Variants in ARID2 observed in about 807,000 individuals in gnomAD.
ARID2 encodes the protein AT-rich interaction domain 2, also known as AT-rich interactive domain-containing protein 2.
Under a neutral mutation model 184.6 loss-of-function variants are expected in ARID2, and 32 were observed. The ratio of observed to expected loss-of-function variants is 0.17; its 90% CI spans 0.13 to 0.23. ARID2 has a LOEUF of 0.23. Ranked by LOEUF, ARID2 falls within the 10% of genes least tolerant of loss-of-function variation. The probability of loss-of-function intolerance (pLI) is 1.00; values close to 1 mark genes in which losing one functional copy is unlikely to be tolerated. For synonymous variants in ARID2, 836 were observed against 772.6 expected (o/e 1.08, Z -1.36); for missense variants, 1,696 against 2,197.6 (o/e 0.77, Z 4.56).
intron 3 of ARID2, among the ~76,000 whole-genome samples, chr12:45,776,781 C>CT (rs745431917): frequency 0.034 from 3,857 of 112,410 alleles, 97 homozygotes; most frequent in African/African-American, 0.052. Flanking sequence ...GAGATTCCGG[C>CT]TTTTTTTTTT....
At chr12:45,893,153 G>A (rs1944323968) in intron 18 of ARID2, among the ~76,000 whole-genome samples, 1 of 152,184 alleles carries the variant, frequency 6.6e-6, no homozygotes, top group Admixed American at 6.5e-5. Flanking sequence ...ACCCAATACA[G>A]TAACTTTAAA....
At chr12:45,803,513 A>G (rs1228649915) in intron 3 of ARID2, among the ~76,000 whole-genome samples, 3 of 152,338 alleles carry the variant, frequency 2.0e-5, no homozygotes, top group Admixed American at 6.5e-5. Flanking sequence ...CTGGATACTT[A>G]GTTGTAAGCA....
At chr12:45,773,890 A>G (rs1941927452) in intron 3 of ARID2, among the ~76,000 whole-genome samples, 1 of 152,178 alleles carries the variant, frequency 6.6e-6, no homozygotes. Flanking sequence ...GTACCTTCTT[A>G]CAGCAGTTGG....
chr12:45,847,991 T>C (rs1456110560), intron 12 of ARID2, among the ~76,000 whole-genome samples: 1 of 152,054 alleles, frequency 6.6e-6, no homozygotes, highest in Admixed American at 6.6e-5. Flanking sequence ...TTGGAAAGAA[T>C]ACACACCATA....
rs113145652 is a variant in ARID2 at position 45,814,671 on chromosome 12, C to T, written c.419-2999C>T. On this transcript the variant is annotated intron_variant, in intron 4 of 20. Transcript: ENST00000334344. ...CTCAAAAAAATAATAAACTTCCCTC[C>T]TCATTCCAGTTATAAAATTATAGCT... is the stretch of plus-strand genomic sequence containing the variant. Among the ~76,000 whole-genome samples, 120 of 152,214 alleles carry T rather than the reference C, an allele frequency of 7.9e-4. 1 individual carries two copies. The highest frequency in any genetic ancestry group is 2.8e-3 in the African/African-American group (116 of 41,544).
At chr12:45,832,596 C>T (rs930830398) in intron 6 of ARID2, among the ~76,000 whole-genome samples, 12 of 152,124 alleles carry the variant, frequency 7.9e-5, no homozygotes, top group African/African-American at 2.9e-4. Flanking sequence ...CCTGCCTCAG[C>T]CTCCCAAGTA....
intron 15 of ARID2, among the ~76,000 whole-genome samples, chr12:45,854,325 A>G (rs1045711098): frequency 1.2e-4 from 19 of 152,094 alleles, no homozygotes; most frequent in Admixed American, 2.6e-4. Context: ...TATCACCCCA[A>G]AACCATCTCC....
intron 12 of ARID2, among the ~76,000 whole-genome samples, chr12:45,847,597 A>G (rs1317485718): frequency 6.6e-6 from 1 of 152,094 alleles, no homozygotes; most frequent in Non-Finnish European, 1.5e-5. Flanking sequence ...TAGAAGATTA[A>G]CAGATTGAAT....
chr12:45,753,633 C>T (rs548545837), intron 3 of ARID2, among the ~76,000 whole-genome samples: 2 of 152,228 alleles, frequency 1.3e-5, no homozygotes, highest in Admixed American at 6.5e-5. Flanking sequence ...GACAAGGTCT[C>T]GCTCTGTCGC....
At position 45,770,145 on chromosome 12, in the gene ARID2, C is replaced by T. The variant is rs564306439; in HGVS notation, c.284+38831C>T. The stretch of plus-strand genomic sequence containing the variant: ...GTGGGCGCCTGTAGTCCCAGCTACC[C>T]GGGAGGCTGAGGCAGGAGAATGGCG... On this transcript the variant is annotated intron_variant, in intron 3 of 20. Coordinates refer to ENST00000334344, the MANE Select transcript of ARID2 (RefSeq NM_152641.4). Among the ~76,000 whole-genome samples the T allele has an allele frequency of 7.3e-5, 11 of 151,458 alleles. No homozygotes were observed. In the East Asian group the frequency reaches 7.8e-4, roughly 11 times the overall value.
chr12:45,761,885 G>A lies in ARID2; in HGVS notation c.284+30571G>A, dbSNP rs142397942. ...TACTTTCCCCACCATATTTTAACTAGCGCTTTATTCATCTTTTTGTCGCTT... is the reference window on the plus strand; with the variant it reads ...TACTTTCCCCACCATATTTTAACTAACGCTTTATTCATCTTTTTGTCGCTT... On this transcript the variant is annotated intron_variant, in intron 3 of 20. Transcript: ENST00000334344. Among the ~76,000 whole-genome samples the A allele has an allele frequency of 1.6e-3, 239 of 152,054 alleles. 1 individual carries two copies. The highest frequency in any genetic ancestry group is 5.5e-3 in the African/African-American group (229 of 41,488).
intron 16 of ARID2, among the ~76,000 whole-genome samples, chr12:45,888,066 G>T: frequency 6.6e-6 from 1 of 152,010 alleles, no homozygotes; most frequent in Non-Finnish European, 1.5e-5. Flanking sequence ...GTGCTGGCGG[G>T]CGCCTGTAGT....
At chr12:45,746,750 C>T (rs188456654) in intron 3 of ARID2, among the ~76,000 whole-genome samples, 1 of 152,140 alleles carries the variant, frequency 6.6e-6, no homozygotes, top group African/African-American at 2.4e-5. Context: ...TGCCCAGGTT[C>T]ACACAGTAAG....
At chr12:45,777,150 A>C (rs1942000032) in intron 3 of ARID2, among the ~76,000 whole-genome samples, 1 of 151,906 alleles carries the variant, frequency 6.6e-6, no homozygotes, top group Admixed American at 6.6e-5. Context: ...TAAAAATGGA[A>C]ATTAGGATGA....
intron 20 of ARID2, among the ~76,000 whole-genome samples, chr12:45,897,277 G>A (rs751323673): frequency 7.9e-5 from 12 of 152,152 alleles, no homozygotes; most frequent in African/African-American, 1.4e-4. Context: ...ATATAAAACC[G>A]TAAGACTCTT....
chr12:45,851,593 C>G lies in ARID2; in HGVS notation c.3470C>G (p.Ser1157Ter). 6.2e-7 allele frequency: 1 copy of G among 1,614,122 alleles called. No individual in the cohort carries two copies. Among genetic ancestry groups the G allele is most frequent in the South Asian group, 1.1e-5 (1 of 91,076 alleles). Residue 1157 changes from serine to a stop codon, truncating the protein, a stop_gained, in exon 15 of 21, where the codon TCA becomes TGA. Transcript: ENST00000334344. LOFTEE classifies it high-confidence loss of function. ...NLQILPGPLI[S>*]NSPATIFQGT... ...CAAATATTGCCAGGTCCACTGATCT[C>G]AAATAGCCCAGCAACCATTTTCCAA...
At chr12:45,852,968 A>C in intron 15 of ARID2, 72 bp downstream of exon 15, 1 of 1,446,060 alleles carries the variant, frequency 6.9e-7, no homozygotes, top group Non-Finnish European at 9.1e-7. Context: ...AGGGAAATGC[A>C]CTGTTTTCCA....
intron 3 of ARID2, among the ~76,000 whole-genome samples, chr12:45,772,860 A>G (rs1720221547): frequency 6.6e-6 from 1 of 152,206 alleles, no homozygotes; most frequent in African/African-American, 2.4e-5. Flanking sequence ...CAGATGATCA[A>G]CAAGGAAATA....
At chr12:45,822,762 C>T (rs1942922791) in intron 6 of ARID2, among the ~76,000 whole-genome samples, 1 of 152,024 alleles carries the variant, frequency 6.6e-6, no homozygotes, top group Non-Finnish European at 1.5e-5. Context: ...AACAAGGGAT[C>T]AATACAGCAA....
Sources: allele counts gnomAD v4.1 joint callset (sites outside exome capture counted in the v4.1 genomes callset), GRCh38; gene constraint gnomAD v4.1.1; transcripts MANE v1.5; gene names NCBI Gene and HGNC (gene_info 2026-07-23, HGNC 2026-07-21).